The following GALNT17 variants were observed in gnomAD, a reference collection of about 807,000 sequenced individuals.
GALNT17 encodes the protein UDP-GalNAc:polypeptide N-acetylgalactosaminyltransferase-like 3.
Under a neutral mutation model 63.7 loss-of-function variants are expected in GALNT17, and 29 were observed. That is an observed-to-expected ratio of 0.46 (90% CI 0.34 to 0.62). The LOEUF (loss-of-function observed/expected upper bound fraction) is 0.62. GALNT17 is among the 20% of genes least tolerant of loss of function. GALNT17 has a pLI of 0.01. For synonymous variants in GALNT17, 305 were observed against 318.3 expected (o/e 0.96, Z 0.45); for missense variants, 603 against 799.6 (o/e 0.75, Z 2.97).
chr7:71,395,713 T>G (rs1793125925), intron 3 of GALNT17, among the ~76,000 whole-genome samples: 1 of 152,244 alleles, frequency 6.6e-6, no homozygotes, highest in African/African-American at 2.4e-5. Flanking sequence ...CCATTTTACA[T>G]GATCACCATT....
chr7:71,256,993 C>T (rs1037721137), intron 1 of GALNT17, among the ~76,000 whole-genome samples: 1 of 152,152 alleles, frequency 6.6e-6, no homozygotes, highest in African/African-American at 2.4e-5. Flanking sequence ...GCACTCCTAC[C>T]CCCTGCAGAA....
chr7:71,427,079 T>TA (rs1434505148), intron 5 of GALNT17, among the ~76,000 whole-genome samples: 1 of 151,522 alleles, frequency 6.6e-6, no homozygotes, highest in East Asian at 1.9e-4. Context: ...GCTTTTCATT[T>TA]ACTCTTTTTT....
At chr7:71,173,892 A>T (rs1212294645) in intron 1 of GALNT17, among the ~76,000 whole-genome samples, 1 of 152,190 alleles carries the variant, frequency 6.6e-6, no homozygotes, top group Non-Finnish European at 1.5e-5. Flanking sequence ...GCACAGAGTA[A>T]GCATTCAATA....
intron 5 of GALNT17, among the ~76,000 whole-genome samples, chr7:71,548,196 C>T (rs987885831): frequency 4.0e-5 from 6 of 150,782 alleles, no homozygotes. Flanking sequence ...GAGCCAAAAT[C>T]GCACCATTCC....
chr7:71,215,398 G>A (rs571459815), intron 1 of GALNT17, among the ~76,000 whole-genome samples: 36 of 151,904 alleles, frequency 2.4e-4, no homozygotes, highest in Non-Finnish European at 4.6e-4. Flanking sequence ...GTTTTGAAAC[G>A]GTCTTGTATT....
chr7:71,280,721 C>T lies in GALNT17; in HGVS notation c.239-54829C>T, dbSNP rs1185084043. Among the ~76,000 whole-genome samples, 4 of 152,288 alleles carry T rather than the reference C, an allele frequency of 2.6e-5. No individual in the cohort carries two copies. In the South Asian group the frequency reaches 6.2e-4, roughly 24 times the overall value. On this transcript the variant is annotated intron_variant, in intron 1 of 10. Transcript: ENST00000333538. ...GATAGATAAGACAGCAGTAGATTTT[C>T]ACCCCTGGAGAAAGAGGGTTTTCCT...
chr7:71,292,668 AGTGTGTGTGTGTGTGT>A (rs201057078), intron 1 of GALNT17, among the ~76,000 whole-genome samples: 3 of 67,372 alleles, frequency 4.5e-5, no homozygotes, highest in African/African-American at 1.0e-4. Context: ...AGAGAGAGAG[AGTGTGTGTGTGTGTGT>A]GTGTGTGTGT....
chr7:71,346,026 T>TAAAAA (rs35499113), intron 2 of GALNT17, among the ~76,000 whole-genome samples: 2,078 of 127,072 alleles, frequency 0.016, 39 homozygotes, highest in African/African-American at 0.058. Context: ...TACTAAAAAT[T>TAAAAA]AAAAAAAAAA....
At chr7:71,476,379 A>ATG (rs1168621561) in intron 5 of GALNT17, among the ~76,000 whole-genome samples, 2 of 152,150 alleles carry the variant, frequency 1.3e-5, no homozygotes, top group Non-Finnish European at 2.9e-5. Context: ...GAATGGAAAG[A>ATG]TGTGTGGTTT....
intron 5 of GALNT17, among the ~76,000 whole-genome samples, chr7:71,479,994 G>T (rs967956395): frequency 1.3e-5 from 2 of 152,044 alleles, no homozygotes; most frequent in Non-Finnish European, 2.9e-5. Context: ...CAACAGAGCA[G>T]CTCTATCCTT....
intron 1 of GALNT17, among the ~76,000 whole-genome samples, chr7:71,320,250 A>T (rs894952902): frequency 3.3e-5 from 5 of 151,714 alleles, no homozygotes; most frequent in South Asian, 2.1e-4. Context: ...ATTTTTTTTT[A>T]AATTGAGATA....
intron 1 of GALNT17, among the ~76,000 whole-genome samples, chr7:71,137,806 C>T (rs1171898173): frequency 2.0e-5 from 3 of 152,134 alleles, no homozygotes; most frequent in African/African-American, 4.8e-5. Flanking sequence ...TGTATGATTT[C>T]ATAACATGAA....
At chr7:71,148,419 C>T (rs749792860) in intron 1 of GALNT17, among the ~76,000 whole-genome samples, 2 of 152,126 alleles carry the variant, frequency 1.3e-5, no homozygotes, top group African/African-American at 4.8e-5. Flanking sequence ...CTGGTAGGCT[C>T]CTACATGTGA....
At chr7:71,459,602 A>T (rs987035707) in intron 5 of GALNT17, among the ~76,000 whole-genome samples, 1 of 152,232 alleles carries the variant, frequency 6.6e-6, no homozygotes, top group African/African-American at 2.4e-5. Flanking sequence ...CTGGCATAAC[A>T]CAACATGACA....
intron 1 of GALNT17, among the ~76,000 whole-genome samples, chr7:71,298,501 G>A (rs936327215): frequency 2.6e-5 from 4 of 152,158 alleles, no homozygotes; most frequent in African/African-American, 4.8e-5. Flanking sequence ...GCATGGACGC[G>A]AGTCTTACAC....
chr7:71,711,025 A>C, intron 10 of GALNT17, 97 bp downstream of exon 10: 1 of 1,467,990 alleles, frequency 6.8e-7, no homozygotes, highest in Non-Finnish European at 9.1e-7. Context: ...CCCAGCAAAG[A>C]GCGACCCCGA....
At chr7:71,274,589 C>CT (rs1352240570) in intron 1 of GALNT17, among the ~76,000 whole-genome samples, 1 of 152,182 alleles carries the variant, frequency 6.6e-6, no homozygotes, top group African/African-American at 2.4e-5. Context: ...GCTCATTCTG[C>CT]TTTTTATGTA....
intron 1 of GALNT17, among the ~76,000 whole-genome samples, chr7:71,265,653 GT>G (rs1340602045): frequency 2.0e-5 from 3 of 152,294 alleles, no homozygotes; most frequent in Admixed American, 6.5e-5. Flanking sequence ...GCAGCAGTAT[GT>G]GCAAAGGCAC....
chr7:71,363,616 G>T (rs374572844), intron 2 of GALNT17, among the ~76,000 whole-genome samples: 1 of 152,182 alleles, frequency 6.6e-6, no homozygotes, highest in Non-Finnish European at 1.5e-5. Flanking sequence ...GCCTTCTTTA[G>T]TATTCCCTTC....
Sources: gnomAD v4.1 joint callset for allele counts (sites outside exome capture counted in the v4.1 genomes callset) on GRCh38, gnomAD v4.1.1 for gene constraint, MANE v1.5 for transcripts, NCBI Gene and HGNC (gene_info 2026-07-23, HGNC 2026-07-21) for gene names.